Variants in SYCP3 observed in about 807,000 individuals in gnomAD.
The protein encoded by SYCP3 is synaptonemal complex protein 3.
In SYCP3, 29 loss-of-function variants were observed where a neutral mutation model predicts 38.5. The ratio of observed to expected loss-of-function variants is 0.75; its 90% CI spans 0.56 to 1.03. The LOEUF is 1.03. SYCP3 is among the 50% of genes least tolerant of loss of function. The pLI is 0.00. For synonymous variants in SYCP3, 79 were observed against 80.3 expected (o/e 0.98, Z 0.08); for missense variants, 242 against 270.7 (o/e 0.89, Z 0.74).
rs1245204975 is a variant in SYCP3, at chr12:101,728,858, A to G, written c.*69T>C. On this transcript the variant is annotated 3_prime_UTR_variant, in exon 9 of 9. Coordinates refer to ENST00000392924, the MANE Select transcript of SYCP3 (RefSeq NM_001177949.2). ...AATTAAACTATTCTAAAGACTTACA[A>G]TATGCTTCTTAGCTAACGTTATAAT... 13 of 1,605,432 alleles carry G rather than the reference A, an allele frequency of 8.1e-6. No individual in the cohort carries two copies. Among genetic ancestry groups the G allele is most frequent in the Non-Finnish European group, 1.1e-5 (13 of 1,173,796 alleles).
intron 7 of SYCP3, among the ~76,000 whole-genome samples, chr12:101,729,843 GATTA>G (rs1276409784): frequency 6.6e-6 from 1 of 152,130 alleles, no homozygotes; most frequent in Non-Finnish European, 1.5e-5. Context: ...GGAAAATGGG[GATTA>G]ATTCCAATTT....
At chr12:101,735,871 A>ATATATATATATATATATATATATTTTT in intron 4 of SYCP3, among the ~76,000 whole-genome samples, 52 of 74,700 alleles carry the variant, frequency 7.0e-4, no homozygotes, top group African/African-American at 1.7e-3. Flanking sequence ...ATATATATAT[A>ATATATATATATATATATATATATTTTT]TTTTTTTTTT....
At chr12:101,737,663 G>C in intron 2 of SYCP3, 140 bp downstream of exon 2, 1 of 1,158,164 alleles carries the variant, frequency 8.6e-7, no homozygotes, top group Non-Finnish European at 1.3e-6. Flanking sequence ...ATCCGTGTCA[G>C]CAGGTTCTGT....
At chr12:101,738,566 G>T (rs1167526003) in intron 1 of SYCP3, among the ~76,000 whole-genome samples, 1 of 151,358 alleles carries the variant, frequency 6.6e-6, no homozygotes, top group Non-Finnish European at 1.5e-5. Flanking sequence ...GTGAAACCCC[G>T]TCTCTACTAA....
chr12:101,730,489 TA>T, intron 7 of SYCP3: 3 of 403,598 alleles, frequency 7.4e-6, no homozygotes, highest in Admixed American at 3.1e-5. Flanking sequence ...TGTGTGTGTA[TA>T]ATTTTTTTTT....
chr12:101,730,590 C>T, intron 7 of SYCP3: 1 of 347,320 alleles, frequency 2.9e-6, no homozygotes, highest in Non-Finnish European at 5.5e-6. Context: ...GCCTCCAGGG[C>T]TCAAGTGATC....
chr12:101,737,293 T>G lies in SYCP3; in HGVS notation c.139A>C (p.Thr47Pro), dbSNP rs1167939512. The change falls in exon 3 of 9, where the codon ACT (threonine) becomes CCT (proline). Residue 47 changes from threonine to proline, a missense_variant. Transcript: ENST00000392924. ...TTCCTACGTTTCTCAATGACTGCAG[T>G]CTTCCCTGTATTGACAATTAAAAAA... Reference protein sequence around the residue: ...GSEEDVIEGKTAVIEKRRKKR... With the variant: ...GSEEDVIEGKPAVIEKRRKKR... 1 of 1,607,574 alleles carries G rather than the reference T, an allele frequency of 6.2e-7. No homozygotes were observed. The highest frequency in any genetic ancestry group is 8.5e-7 in the Non-Finnish European group (1 of 1,177,422).
chr12:101,735,884 T>TTTTTTTTTTTTTTTTTTTAA (rs1566055887), intron 4 of SYCP3, among the ~76,000 whole-genome samples: 1 of 137,174 alleles, frequency 7.3e-6, no homozygotes, highest in African/African-American at 2.9e-5. Flanking sequence ...TTTTTTTTTT[T>TTTTTTTTTTTTTTTTTTTAA]AAAGACACGG....
intron 4 of SYCP3, among the ~76,000 whole-genome samples, chr12:101,736,327 G>C (rs1952440979): frequency 6.6e-6 from 1 of 151,810 alleles, no homozygotes; most frequent in Admixed American, 6.6e-5. Flanking sequence ...TATACTTTCA[G>C]TATTATCTAT....
intron 2 of SYCP3, 148 bp downstream of exon 2, chr12:101,737,654 TC>T: frequency 9.6e-7 from 1 of 1,038,848 alleles, no homozygotes; most frequent in Non-Finnish European, 1.5e-6. Context: ...CAGCTGGCCA[TC>T]CGTGTCAGCA....
intron 4 of SYCP3, among the ~76,000 whole-genome samples, chr12:101,735,785 T>A (rs1196935262): frequency 6.7e-6 from 1 of 148,796 alleles, no homozygotes; most frequent in Non-Finnish European, 1.5e-5. Context: ...AAAAGTACTC[T>A]ATTAGAAAGA....
At chr12:101,731,423 C>T in intron 7 of SYCP3, 145 bp downstream of exon 7, 1 of 498,948 alleles carries the variant, frequency 2.0e-6, no homozygotes, top group Non-Finnish European at 3.3e-6. Context: ...ATATTTATCA[C>T]TTAAATCAGA....
At position 101,731,631 on chromosome 12, in the gene SYCP3, T is replaced by C; in HGVS notation, c.489A>G (p.Gln163=). Residue 163 remains glutamine (Q), a synonymous_variant, in exon 7 of 9, where the codon CAA becomes CAG. Transcript: ENST00000392924. The part of the protein sequence containing the change: ...MFRQQQKILQ[Q]SRIVQSQRLK... ...ATCTCTGGCTCTGAACAATTCTAGA[T>C]TGTTGAAGAATCTTTTGTTGCTGTC... 2.5e-6 allele frequency: 4 copies of C among 1,604,788 alleles called. No individual in the cohort carries two copies. In the South Asian group the frequency reaches 3.4e-5, roughly 14 times the overall value.
chr12:101,731,800 GACC>G lies in SYCP3; in HGVS notation c.454-137_454-135del, dbSNP rs1209049385. ...CTTTTAAAATTTTAACAACTATTAT[GACC>G]ACATTTAGATAATTTATGTTCACCA... On this transcript the variant is annotated intron_variant, in intron 6 of 8. Coordinates refer to ENST00000392924, the MANE Select transcript of SYCP3 (RefSeq NM_001177949.2). 11 of 607,214 alleles carry G rather than the reference GACC, an allele frequency of 1.8e-5. No individual in the cohort carries two copies. In the Admixed American group the frequency reaches 3.5e-4, roughly 19 times the overall value. The allele number at this position is 607,214 out of a possible 1,614,324, so 37.6% of individuals were successfully genotyped here. A position where few individuals can be genotyped will look rare whatever the true frequency, so the allele number is the denominator to read the frequency against.
chr12:101,735,476 C>G (rs920292796), intron 4 of SYCP3, among the ~76,000 whole-genome samples: 8 of 151,996 alleles, frequency 5.3e-5, no homozygotes, highest in African/African-American at 1.5e-4. Context: ...TCCTGACCAA[C>G]GTGGTGAAAG....
chr12:101,736,089 TA>T (rs1566056092), intron 4 of SYCP3, among the ~76,000 whole-genome samples: 1 of 151,586 alleles, frequency 6.6e-6, no homozygotes, highest in Non-Finnish European at 1.5e-5. Flanking sequence ...AATTTCTAGA[TA>T]AATTAAGATC....
chr12:101,728,750 C>T lies in SYCP3; in HGVS notation c.*177G>A. ...AATACATATTCTTTAGGAATAGTTG[C>T]TAACTAACTCATAACTATTTAGATT... On this transcript the variant is annotated 3_prime_UTR_variant, in exon 9 of 9. Transcript: ENST00000392924. The T allele has an allele frequency of 1.2e-6, 1 of 812,720 alleles. No homozygotes were observed. Among genetic ancestry groups the T allele is most frequent in the Non-Finnish European group, 1.9e-6 (1 of 526,886 alleles). 50.3% of individuals were successfully genotyped at this position (812,720 alleles called of 1,614,324 possible).
Position 101,729,099 on chromosome 12 carries a change from GATCACTTACAGTTTCC to G in SYCP3, c.651_657+9del. The G allele has an allele frequency of 6.2e-7, 1 of 1,608,080 alleles. No individual in the cohort carries two copies. Among genetic ancestry groups the G allele is most frequent in the Non-Finnish European group, 8.5e-7 (1 of 1,175,520 alleles). ...ATCCTTATTTTTTCAATTTCAATAT[GATCACTTACAGTTTCC>G]ATCATAATTTTTTTTTGCAACATAG... On this transcript the variant is annotated splice_donor_variant and splice_donor_5th_base_variant and coding_sequence_variant and intron_variant, in exon 8 of 9. Transcript: ENST00000392924. LOFTEE classifies it high-confidence loss of function.
chr12:101,729,195 T>G lies in SYCP3; in HGVS notation c.571A>C (p.Lys191Gln). The change falls in exon 8 of 9, where the codon AAG becomes CAG. Residue 191 changes from lysine to glutamine, a missense_variant. Physicochemically the swap from Lys to Gln is moderately conservative, Grantham distance 53. Transcript: ENST00000392924. The part of the protein sequence containing the change: ...QFIKSMEELE[K>Q]NHDNLLTGAQ... The stretch of plus-strand genomic sequence containing the variant: ...CCAGTAAGTAGATTATCATGATTCT[T>G]CTCCAACTCTTCCATACTCTAAAAA... 1 of 1,613,078 alleles carries G rather than the reference T, an allele frequency of 6.2e-7. No homozygotes were observed. The highest frequency in any genetic ancestry group is 1.3e-5 in the African/African-American group (1 of 75,016).
Sources: gnomAD v4.1 joint callset for allele counts (sites outside exome capture counted in the v4.1 genomes callset) on GRCh38, gnomAD v4.1.1 for gene constraint, MANE v1.5 for transcripts, NCBI Gene and HGNC (gene_info 2026-07-23, HGNC 2026-07-21) for gene names.